The following ROR1 variants were observed in gnomAD, a reference collection of about 807,000 sequenced individuals.
ROR1 encodes the protein inactive tyrosine-protein kinase transmembrane receptor ROR1.
ROR1 carries 19 observed loss-of-function variants against 78.8 expected under a neutral mutation model. The observed-to-expected ratio is 0.24, with a 90% CI of 0.17 to 0.35. The LOEUF (loss-of-function observed/expected upper bound fraction) is 0.35, where lower values mean the gene tolerates loss of function less well. Ranked by LOEUF, ROR1 falls within the 10% of genes least tolerant of loss-of-function variation. The pLI is 1.00. For synonymous variants in ROR1, 386 were observed against 433.6 expected (o/e 0.89, Z 1.36); for missense variants, 917 against 1,177.8 (o/e 0.78, Z 3.24).
intron 7 of ROR1, among the ~76,000 whole-genome samples, chr1:64,143,750 G>A (rs185558506): frequency 3.4e-4 from 52 of 152,254 alleles, no homozygotes; most frequent in African/African-American, 1.0e-3. Context: ...TCATGGAGGC[G>A]GAACAAGCAA....
chr1:64,099,048 T>C (rs1007223069), intron 4 of ROR1, among the ~76,000 whole-genome samples: 24 of 152,224 alleles, frequency 1.6e-4, no homozygotes, highest in African/African-American at 5.3e-4. Flanking sequence ...CACCAGGAAG[T>C]GAAGCAGAGA....
At chr1:63,838,283 C>T (rs1177276441) in intron 1 of ROR1, among the ~76,000 whole-genome samples, 1 of 151,702 alleles carries the variant, frequency 6.6e-6, no homozygotes, top group Non-Finnish European at 1.5e-5. Flanking sequence ...GTAAAACAGC[C>T]TCCTGAAGGA....
At position 63,903,825 on chromosome 1, in the gene ROR1, T is replaced by G. The variant is rs143371711; in HGVS notation, c.92-105480T>G. 3.6e-4 allele frequency among the ~76,000 whole-genome samples: 55 copies of G among 152,258 alleles called. No homozygotes were observed. The East Asian group carries it at 9.4e-3, about 26-fold the overall frequency. On this transcript the variant is annotated intron_variant, in intron 1 of 8. Coordinates refer to ENST00000371079, the MANE Select transcript of ROR1 (RefSeq NM_005012.4). ...TTTTCTTACACAGCAGGTAGCATACTTTAGATATTCTTTACTCAAGAGTCT... is the reference window on the plus strand; with the variant it reads ...TTTTCTTACACAGCAGGTAGCATACGTTAGATATTCTTTACTCAAGAGTCT...
At chr1:64,111,993 G>A (rs897012432) in intron 4 of ROR1, 1 of 152,176 alleles carries the variant, frequency 6.6e-6, no homozygotes, top group Non-Finnish European at 1.5e-5. Context: ...CCTTCTTGGG[G>A]AGGCACATGA....
chr1:63,787,277 C>T (rs939167230), intron 1 of ROR1, among the ~76,000 whole-genome samples: 1 of 152,192 alleles, frequency 6.6e-6, no homozygotes, highest in East Asian at 1.9e-4. Flanking sequence ...CTCACATAGG[C>T]CGTCTAAATC....
chr1:64,057,470 T>C (rs1569646313), intron 4 of ROR1, among the ~76,000 whole-genome samples: 2 of 152,176 alleles, frequency 1.3e-5, no homozygotes, highest in Non-Finnish European at 2.9e-5. Flanking sequence ...AAGAGATATA[T>C]TACAAAGAAT....
At chr1:63,800,990 G>C (rs1644793639) in intron 1 of ROR1, among the ~76,000 whole-genome samples, 1 of 151,210 alleles carries the variant, frequency 6.6e-6, no homozygotes, top group African/African-American at 2.4e-5. Flanking sequence ...AGGATTAAAT[G>C]AAATAATATA....
chr1:64,140,041 C>T lies in ROR1; in HGVS notation c.611-68C>T, dbSNP rs1426023377. 7.1e-6 allele frequency: 10 copies of T among 1,414,488 alleles called. 1 individual carries two copies. Among genetic ancestry groups the T allele is most frequent in the South Asian group, 5.1e-5 (4 of 78,504 alleles). The allele number at this position is 1,414,488 out of a possible 1,614,324, so 87.6% of individuals were successfully genotyped here. A position where few individuals can be genotyped will look rare whatever the true frequency, so the allele number is the denominator to read the frequency against. On this transcript the variant is annotated intron_variant, in intron 5 of 8. Transcript: ENST00000371079. ...GCAATGTGTGTTTATATCTGATATC[C>T]GTTGACTAGATAACCAAAGAAGATA...
chr1:63,994,990 T>C (rs1437923056), intron 1 of ROR1, among the ~76,000 whole-genome samples: 2 of 152,208 alleles, frequency 1.3e-5, no homozygotes. Context: ...GGCAGATCTT[T>C]GGCAAATCCA....
intron 1 of ROR1, among the ~76,000 whole-genome samples, chr1:63,887,150 C>T (rs538484253): frequency 7.2e-5 from 11 of 152,098 alleles, no homozygotes; most frequent in Middle Eastern, 3.4e-3. Flanking sequence ...GACAAAGGGG[C>T]GGTTGTCTGA....
intron 1 of ROR1, among the ~76,000 whole-genome samples, chr1:63,909,850 G>T (rs928338003): frequency 1.5e-4 from 23 of 152,212 alleles, no homozygotes; most frequent in Admixed American, 4.6e-4. Flanking sequence ...TTATTTTAAA[G>T]CATTCAAAGG....
intron 4 of ROR1, among the ~76,000 whole-genome samples, chr1:64,101,647 C>T (rs754243788): frequency 1.3e-5 from 2 of 149,632 alleles, no homozygotes; most frequent in Non-Finnish European, 3.0e-5. Context: ...GAGGGGGAAC[C>T]CAAGGATGCT....
At chr1:63,882,127 C>A (rs1645326996) in intron 1 of ROR1, among the ~76,000 whole-genome samples, 1 of 152,006 alleles carries the variant, frequency 6.6e-6, no homozygotes, top group Admixed American at 6.6e-5. Context: ...TAGGAGATCC[C>A]CCCCGGTGAA....
rs116353010 is a variant in ROR1, at chr1:63,940,986, G to T, written c.92-68319G>T. Among the ~76,000 whole-genome samples the T allele has an allele frequency of 5.6e-3, 854 of 152,274 alleles. 8 individuals are homozygous for T. Among genetic ancestry groups the T allele is most frequent in the African/African-American group, 0.02 (813 of 41,566 alleles). On this transcript the variant is annotated intron_variant, in intron 1 of 8. Coordinates refer to ENST00000371079, the MANE Select transcript of ROR1 (RefSeq NM_005012.4). The stretch of plus-strand genomic sequence containing the variant: ...GAATTTAATCAGGAGGAAATATCAA[G>T]CAAACTGAGTGAAGAACATTCCACA...
chr1:63,863,915 A>G (rs1645199170), intron 1 of ROR1, among the ~76,000 whole-genome samples: 1 of 152,138 alleles, frequency 6.6e-6, no homozygotes, highest in African/African-American at 2.4e-5. Flanking sequence ...TGCTAGCATT[A>G]ACTACTATTC....
chr1:63,832,377 A>G (rs1302927560), intron 1 of ROR1, among the ~76,000 whole-genome samples: 2 of 152,224 alleles, frequency 1.3e-5, no homozygotes, highest in African/African-American at 2.4e-5. Flanking sequence ...ATGTATAAGC[A>G]AAAGAGGTTT....
rs368214470 is a variant in ROR1, at chr1:64,180,513, A to G, written c.*1658A>G. ...CAATTTTCCCAAACCTGAGTCTTCA[A>G]ATAACAAACATGAACTTATAGGTAC... On this transcript the variant is annotated 3_prime_UTR_variant, in exon 9 of 9. Coordinates refer to ENST00000371079, the MANE Select transcript of ROR1 (RefSeq NM_005012.4). 1 of 152,244 alleles carries G rather than the reference A, an allele frequency of 6.6e-6. No individual in the cohort carries two copies. Among genetic ancestry groups the G allele is most frequent in the South Asian group, 2.1e-4 (1 of 4,834 alleles). 9.4% of individuals were successfully genotyped at this position (152,244 alleles called of 1,614,324 possible). A position where few individuals can be genotyped will look rare whatever the true frequency, so the allele number is the denominator to read the frequency against.
intron 4 of ROR1, among the ~76,000 whole-genome samples, chr1:64,097,535 T>C (rs1008898216): frequency 6.6e-5 from 10 of 150,578 alleles, no homozygotes; most frequent in African/African-American, 2.5e-4. Flanking sequence ...ATTGTATTTA[T>C]GCATTTTTGA....
At chr1:63,892,627 T>C (rs75439358) in intron 1 of ROR1, among the ~76,000 whole-genome samples, 1 of 152,088 alleles carries the variant, frequency 6.6e-6, no homozygotes, top group African/African-American at 2.4e-5. Flanking sequence ...AAACCCAGTA[T>C]TTTTTTTCTT....
Sources: gnomAD v4.1 joint callset for allele counts (sites outside exome capture counted in the v4.1 genomes callset) on GRCh38, gnomAD v4.1.1 for gene constraint, MANE v1.5 for transcripts, NCBI Gene and HGNC (gene_info 2026-07-23, HGNC 2026-07-21) for gene names.